ETS1: variants seen among roughly 807,000 people sequenced by gnomAD.
The protein encoded by ETS1 is protein C-ets-1.
Under a neutral mutation model 58.6 loss-of-function variants are expected in ETS1, and 15 were observed. The observed-to-expected ratio is 0.26, with a 90% CI of 0.17 to 0.39. The LOEUF is 0.39. Ranked by LOEUF, ETS1 falls within the 10% of genes least tolerant of loss-of-function variation. The probability of loss-of-function intolerance (pLI) is 1.00; values close to 1 mark genes in which losing one functional copy is unlikely to be tolerated. For missense variants in ETS1, 417 were observed against 610.5 expected (o/e 0.68, Z 3.34); for synonymous variants, 214 against 218.2 (o/e 0.98, Z 0.17).
At chr11:128,471,633 T>C (rs1355646694) in intron 8 of ETS1, among the ~76,000 whole-genome samples, 1 of 152,218 alleles carries the variant, frequency 6.6e-6, no homozygotes, top group Non-Finnish European at 1.5e-5. Flanking sequence ...TAACCGGTTC[T>C]TTTAAGAAGT....
At chr11:128,537,682 G>A (rs1258788125) in intron 3 of ETS1, among the ~76,000 whole-genome samples, 2 of 152,106 alleles carry the variant, frequency 1.3e-5, no homozygotes, top group African/African-American at 2.4e-5. Context: ...GCTGGTCACG[G>A]AACATATATT....
At chr11:128,539,418 A>G (rs1864021525) in intron 3 of ETS1, among the ~76,000 whole-genome samples, 1 of 152,266 alleles carries the variant, frequency 6.6e-6, no homozygotes, top group African/African-American at 2.4e-5. Context: ...AAGAAGGTAT[A>G]AGAATGACTG....
At chr11:128,565,234 G>C (rs1864473323) in intron 2 of ETS1, among the ~76,000 whole-genome samples, 1 of 152,100 alleles carries the variant, frequency 6.6e-6, no homozygotes, top group African/African-American at 2.4e-5. Context: ...TGAAGGAATG[G>C]GTTTGGCCTC....
intron 2 of ETS1, among the ~76,000 whole-genome samples, chr11:128,557,891 G>T (rs1284871100): frequency 1.3e-5 from 2 of 152,152 alleles, no homozygotes; most frequent in Non-Finnish European, 2.9e-5. Flanking sequence ...GAGCATACAA[G>T]AATTCAGTAC....
intron 3 of ETS1, among the ~76,000 whole-genome samples, chr11:128,543,613 G>T (rs1184008295): frequency 2.0e-5 from 3 of 152,126 alleles, no homozygotes; most frequent in Admixed American, 1.3e-4. Context: ...AGAATTAAAA[G>T]ATTACTCTCA....
At chr11:128,468,668 C>A (rs1862103952) in intron 8 of ETS1, among the ~76,000 whole-genome samples, 1 of 152,120 alleles carries the variant, frequency 6.6e-6, no homozygotes, top group Non-Finnish European at 1.5e-5. Flanking sequence ...GGGCAGGCAC[C>A]TTCCCAGGCA....
intron 3 of ETS1, among the ~76,000 whole-genome samples, chr11:128,546,063 C>T (rs188931664): frequency 4.6e-5 from 7 of 152,310 alleles, no homozygotes; most frequent in Admixed American, 4.6e-4. Flanking sequence ...GAACATTCAC[C>T]AGGACGCAAG....
At chr11:128,548,241 A>G (rs1864168343) in intron 3 of ETS1, among the ~76,000 whole-genome samples, 2 of 150,614 alleles carry the variant, frequency 1.3e-5, no homozygotes, top group Admixed American at 1.3e-4. Context: ...GGGCAATTAC[A>G]GTAATGTATG....
chr11:128,552,268 A>G (rs1323270667), intron 3 of ETS1, among the ~76,000 whole-genome samples: 1 of 152,174 alleles, frequency 6.6e-6, no homozygotes, highest in Non-Finnish European at 1.5e-5. Flanking sequence ...CACTAAATAG[A>G]TGTCCTTTCT....
chr11:128,464,132 G>A lies in ETS1; in HGVS notation c.1124-505C>T, dbSNP rs776005112. ...TGAGTAAGAAGGATCACTATCCTCC[G>A]GCCCTCTTACAAGGAAATAGATGTT... On this transcript the variant is annotated intron_variant, in intron 8 of 9. Coordinates refer to ENST00000392668, the MANE Select transcript of ETS1 (RefSeq NM_001143820.2). The surrounding 1 kb of genome is among the most constrained non-coding windows in gnomAD (Gnocchi z 4.1). 2.2e-4 allele frequency among the ~76,000 whole-genome samples: 33 copies of A among 151,622 alleles called. No homozygotes were observed. The highest frequency in any genetic ancestry group is 4.1e-4 in the Non-Finnish European group (28 of 67,962).
rs1431509494 is a variant in ETS1, at chr11:128,585,102, AG to A, written c.-15+2385del. Among the ~76,000 whole-genome samples, 49 of 23,562 alleles carry A rather than the reference AG, an allele frequency of 2.1e-3. 3 individuals carry two copies. The highest frequency in any genetic ancestry group is 8.8e-3 in the Middle Eastern group (1 of 114). 15.5% of individuals were successfully genotyped at this position (23,562 alleles called of 152,430 possible). ...AGAAAGAAAGAAAGGAAAGAAAGAA[AG>A]GAAGGAAGGAAGGAAAGAAAGAAGA... On this transcript the variant is annotated intron_variant, in intron 1 of 9. Transcript: ENST00000392668.
At chr11:128,468,789 T>C (rs1862107527) in intron 8 of ETS1, among the ~76,000 whole-genome samples, 1 of 152,148 alleles carries the variant, frequency 6.6e-6, no homozygotes, top group Non-Finnish European at 1.5e-5. Context: ...AAGGACTTTG[T>C]TTTTTCACTG....
chr11:128,524,668 G>T (rs7931154), intron 3 of ETS1, among the ~76,000 whole-genome samples: 2,727 of 152,238 alleles, frequency 0.018, 66 homozygotes, highest in African/African-American at 0.059. Flanking sequence ...GACTTTAAAT[G>T]ATATTTCTAT....
At chr11:128,562,837 C>T (rs758805148) in intron 2 of ETS1, among the ~76,000 whole-genome samples, 5 of 152,174 alleles carry the variant, frequency 3.3e-5, no homozygotes, top group Non-Finnish European at 7.3e-5. Flanking sequence ...CCCATTCCCT[C>T]CTCCACTGCC....
At chr11:128,501,882 C>T (rs1863098644) in intron 3 of ETS1, among the ~76,000 whole-genome samples, 1 of 152,108 alleles carries the variant, frequency 6.6e-6, no homozygotes, top group Non-Finnish European at 1.5e-5. Context: ...ACTTGTGGAG[C>T]CAGTTCTCCC....
In ETS1 at chr11:128,460,087, C is replaced by CACAA. The variant is rs140391188; in HGVS notation, c.*2273_*2274insTTGT. The CACAA allele has an allele frequency of 0.18, 27,489 of 150,572 alleles. 3,158 individuals are homozygous for CACAA. Among genetic ancestry groups the CACAA allele is most frequent in the East Asian group, 0.37 (1,944 of 5,206 alleles). The allele number at this position is 150,572 out of a possible 1,614,324, so 9.3% of individuals were successfully genotyped here. Reference sequence around the variant, plus strand: ...ATGTCTGCAAACACACACACACACACACACACACACACACACACACACACA... The same window carrying CACAA: ...ATGTCTGCAAACACACACACACACACACAAACACACACACACACACACACACACA... On this transcript the variant is annotated 3_prime_UTR_variant, in exon 10 of 10. Transcript: ENST00000392668.
chr11:128,574,479 A>T (rs184880510), intron 1 of ETS1, among the ~76,000 whole-genome samples: 289 of 152,292 alleles, frequency 1.9e-3, no homozygotes, highest in African/African-American at 6.4e-3. Flanking sequence ...AGAGCTCCTC[A>T]TTGGTGAAGA....
chr11:128,521,857 G>A, intron 3 of ETS1: 1 of 1,471,592 alleles, frequency 6.8e-7, no homozygotes, highest in Non-Finnish European at 9.3e-7. Flanking sequence ...GAAGTCCAGG[G>A]GACCCCCGGC....
chr11:128,546,451 C>T lies in ETS1; in HGVS notation c.214+9840G>A, dbSNP rs7126675. 4.5e-3 allele frequency among the ~76,000 whole-genome samples: 679 copies of T among 152,268 alleles called. 7 individuals are homozygous for T. Among genetic ancestry groups the T allele is most frequent in the African/African-American group, 0.016 (651 of 41,540 alleles). On this transcript the variant is annotated intron_variant, in intron 3 of 9. Coordinates refer to ENST00000392668, the MANE Select transcript of ETS1 (RefSeq NM_001143820.2). ...TGCCTAAGATACCAAAATTCATATA[C>T]GCTCAAGTCCCTGATATAAAATGGT...
Sources: gnomAD v4.1 joint callset for allele counts (sites outside exome capture counted in the v4.1 genomes callset) on GRCh38, gnomAD v4.1.1 for gene constraint, Gnocchi (gnomAD v3.1) non-coding constraint, MANE v1.5 for transcripts, NCBI Gene and HGNC (gene_info 2026-07-23, HGNC 2026-07-21) for gene names.